ANKRD17: variants seen among roughly 807,000 people sequenced by gnomAD.
The protein encoded by ANKRD17 is ankyrin repeat domain 17, also known as ankyrin repeat domain-containing protein 17.
Under a neutral mutation model 229.7 loss-of-function variants are expected in ANKRD17, and 19 were observed. The ratio of observed to expected loss-of-function variants is 0.08; its 90% CI spans 0.06 to 0.12. The LOEUF (loss-of-function observed/expected upper bound fraction) is 0.12, where lower values mean the gene tolerates loss of function less well. Among genes scored for constraint, ANKRD17 ranks in the 10% least tolerant of loss-of-function variants. The pLI, the probability that ANKRD17 is intolerant of heterozygous loss-of-function variation, is 1.00. For synonymous variants in ANKRD17, 1,112 were observed against 1,146.1 expected (o/e 0.97, Z 0.60); for missense variants, 2,176 against 3,176.8 (o/e 0.68, Z 7.57).
chr4:73,207,633 C>A (rs1739650760), intron 1 of ANKRD17, among the ~76,000 whole-genome samples: 1 of 152,170 alleles, frequency 6.6e-6, no homozygotes, highest in Non-Finnish European at 1.5e-5. Flanking sequence ...ATCAATTTCA[C>A]ATACTGTACA....
Position 73,078,710 on chromosome 4 carries a change from C to T in ANKRD17, c.7340G>A (p.Gly2447Glu). Residue 2447 changes from glycine to glutamate, a missense_variant, in exon 31 of 34, where the codon GGG becomes GAG. Gly to Glu is a moderately conservative substitution (Grantham distance 98). This residue lies in a region of ANKRD17 where 159 missense variants were observed against 214.3 expected (regional missense o/e 0.74). Transcript: ENST00000358602. Reference protein sequence around the residue: ...QTGTSAPSVIGSNLSTSVGHS... With the variant: ...QTGTSAPSVIESNLSTSVGHS... ...TCCTACTGATGTAGACAAATTGCTCCCAATAACAGATGGAGCTGACGTTCC... is the reference window on the plus strand; with the variant it reads ...TCCTACTGATGTAGACAAATTGCTCTCAATAACAGATGGAGCTGACGTTCC... 1 of 1,614,122 alleles carries T rather than the reference C, an allele frequency of 6.2e-7. No homozygotes were observed. Among genetic ancestry groups the T allele is most frequent in the Non-Finnish European group, 8.5e-7 (1 of 1,180,012 alleles).
chr4:73,115,514 T>C (rs1420349290), intron 23 of ANKRD17, among the ~76,000 whole-genome samples: 1 of 152,146 alleles, frequency 6.6e-6, no homozygotes, highest in Non-Finnish European at 1.5e-5. Flanking sequence ...GGTCTTGAAC[T>C]CCTGGGCTCA....
rs138383779 is a variant in ANKRD17, at chr4:73,078,826, C to T, written c.7224G>A (p.Pro2408=). 41 of 1,614,014 alleles carry T rather than the reference C, an allele frequency of 2.5e-5. No individual in the cohort carries two copies. Among genetic ancestry groups the T allele is most frequent in the South Asian group, 3.3e-5 (3 of 91,086 alleles). Reference sequence around the variant, plus strand: ...CATTGCTGGGCTTTTCTGACCCTAACGGTACTGATGATGGGGCAGGAGATG... The same window carrying T: ...CATTGCTGGGCTTTTCTGACCCTAATGGTACTGATGATGGGGCAGGAGATG... ...RAPSPAPSSV[P]LGSEKPSNVS... Residue 2408 remains proline, a synonymous_variant, in exon 31 of 34, where the codon CCG becomes CCA. Coordinates refer to ENST00000358602, the MANE Select transcript of ANKRD17 (RefSeq NM_032217.5).
At chr4:73,105,216 G>T (rs1236891293) in intron 24 of ANKRD17, among the ~76,000 whole-genome samples, 1 of 151,992 alleles carries the variant, frequency 6.6e-6, no homozygotes, top group Non-Finnish European at 1.5e-5. Flanking sequence ...AGCAAGTGTG[G>T]ATCAACAGAT....
chr4:73,121,841 G>T, intron 18 of ANKRD17, 82 bp from the exon 19 acceptor site: 1 of 1,375,064 alleles, frequency 7.3e-7, no homozygotes, highest in Non-Finnish European at 9.8e-7. Context: ...TCTTTTTCTG[G>T]TATACTGTAC....
chr4:73,239,725 T>C (rs1743837861), intron 1 of ANKRD17, among the ~76,000 whole-genome samples: 1 of 152,086 alleles, frequency 6.6e-6, no homozygotes, highest in Non-Finnish European at 1.5e-5. Flanking sequence ...TACTATATGA[T>C]TTAATAAAAG....
intron 16 of ANKRD17, 134 bp from the exon 17 acceptor site, chr4:73,125,446 G>C (rs1332077526): frequency 2.8e-6 from 2 of 715,900 alleles, no homozygotes; most frequent in East Asian, 5.7e-5. Context: ...TGAAAAGCAA[G>C]GTTTATGGAC....
Position 73,146,814 on chromosome 4 carries a change from T to A in ANKRD17, c.1819A>T (p.Asn607Tyr), listed in dbSNP as rs1489342972. ...GDTALTYACENGHTDVADVLL... is the reference protein window; with the variant it reads ...GDTALTYACEYGHTDVADVLL... ...ACATCTGCTACATCAGTATGACCAT[T>A]TTCACAGGCATATGTTAGTGCTGTA... Residue 607 changes from asparagine (N) to tyrosine (Y), a missense_variant, in exon 10 of 34, where the codon AAT becomes TAT. Coordinates refer to ENST00000358602, the MANE Select transcript of ANKRD17 (RefSeq NM_032217.5). 6.2e-7 allele frequency: 1 copy of A among 1,612,934 alleles called. No individual in the cohort carries two copies.
At chr4:73,085,772 A>AG (rs1425357175) in intron 29 of ANKRD17, among the ~76,000 whole-genome samples, 1 of 150,776 alleles carries the variant, frequency 6.6e-6, no homozygotes, top group Non-Finnish European at 1.5e-5. Flanking sequence ...CCAAAGTGAG[A>AG]GGACTGCTTG....
chr4:73,205,641 G>T (rs1039659416), intron 1 of ANKRD17, among the ~76,000 whole-genome samples: 34 of 152,186 alleles, frequency 2.2e-4, no homozygotes, highest in African/African-American at 7.0e-4. Context: ...AAAACTACTA[G>T]AAGAAAATAC....
At chr4:73,222,131 T>C (rs959421106) in intron 1 of ANKRD17, among the ~76,000 whole-genome samples, 2 of 152,052 alleles carry the variant, frequency 1.3e-5, no homozygotes, top group African/African-American at 4.8e-5. Flanking sequence ...ACCCAGGTTT[T>C]ATCTAATGAG....
chr4:73,208,690 G>A (rs573493095), intron 1 of ANKRD17, among the ~76,000 whole-genome samples: 2 of 152,210 alleles, frequency 1.3e-5, no homozygotes, highest in Admixed American at 1.3e-4. Flanking sequence ...AAATCCAGGG[G>A]AAATTAGAAA....
chr4:73,135,571 T>A (rs959807716), intron 15 of ANKRD17, among the ~76,000 whole-genome samples: 15 of 152,154 alleles, frequency 9.9e-5, no homozygotes, highest in Non-Finnish European at 1.5e-4. Context: ...TAAATATAAA[T>A]GCAAATGGAA....
chr4:73,093,770 G>A (rs1181728168), intron 28 of ANKRD17, among the ~76,000 whole-genome samples: 2 of 152,062 alleles, frequency 1.3e-5, no homozygotes, highest in African/African-American at 4.8e-5. Context: ...TTAGAAATGC[G>A]CTCCCTAAAA....
In ANKRD17 at chr4:73,098,869, G is replaced by C. The variant is rs983666587; in HGVS notation, c.4574-349C>G. The C allele has an allele frequency of 1.4e-5, 20 of 1,406,756 alleles. No individual in the cohort carries two copies. In the African/African-American group the frequency reaches 2.3e-4, roughly 16 times the overall value. 87.1% of individuals were successfully genotyped at this position (1,406,756 alleles called of 1,614,324 possible). On this transcript the variant is annotated intron_variant, in intron 25 of 33. Coordinates refer to ENST00000358602, the MANE Select transcript of ANKRD17 (RefSeq NM_032217.5). ...CCAGCCAGCCCTTGGCCTCCAAGCAGGAAATGGACAGCACTGAGAAGCGGG... is the reference window on the plus strand; with the variant it reads ...CCAGCCAGCCCTTGGCCTCCAAGCACGAAATGGACAGCACTGAGAAGCGGG...
chr4:73,159,257 A>G (rs953580815), intron 3 of ANKRD17, among the ~76,000 whole-genome samples: 14 of 152,220 alleles, frequency 9.2e-5, no homozygotes, highest in African/African-American at 3.4e-4. Context: ...CCTTCCCATA[A>G]GACATTTCCT....
At chr4:73,121,502 T>C (rs1300211160) in intron 19 of ANKRD17, 115 bp downstream of exon 19, 1 of 1,294,248 alleles carries the variant, frequency 7.7e-7, no homozygotes. Context: ...ACACTTTGAA[T>C]GCCAAATTTG....
chr4:73,095,954 T>G (rs1443683935), intron 27 of ANKRD17, among the ~76,000 whole-genome samples: 1 of 152,142 alleles, frequency 6.6e-6, no homozygotes, highest in Admixed American at 6.5e-5. Flanking sequence ...CCTCCCAAAA[T>G]GCTGGGATTA....
chr4:73,092,938 C>A (rs1722926381), intron 28 of ANKRD17, among the ~76,000 whole-genome samples: 1 of 152,002 alleles, frequency 6.6e-6, no homozygotes, highest in Non-Finnish European at 1.5e-5. Flanking sequence ...GCTGGATCTT[C>A]AGGAAAATAT....
Sources: allele counts gnomAD v4.1 joint callset (sites outside exome capture counted in the v4.1 genomes callset), GRCh38; gene constraint gnomAD v4.1.1; regional missense constraint gnomAD v4.1.1; transcripts MANE v1.5; gene names NCBI Gene and HGNC (gene_info 2026-07-23, HGNC 2026-07-21).